Variants in DNAJC10 observed in about 807,000 individuals in gnomAD.
DNAJC10 encodes the protein endoplasmic reticulum disulfide reductase DNAJC10.
In DNAJC10, 101 loss-of-function variants were observed where a neutral mutation model predicts 115.0. The ratio of observed to expected loss-of-function variants is 0.88; its 90% confidence interval spans 0.75 to 1.04. The LOEUF (loss-of-function observed/expected upper bound fraction) is 1.04. Among genes scored for constraint, DNAJC10 ranks in the 50% least tolerant of loss-of-function variants. The probability of loss-of-function intolerance (pLI) is 0.00; values close to 1 mark genes in which losing one functional copy is unlikely to be tolerated. For synonymous variants in DNAJC10, 307 were observed against 301.5 expected, an observed-to-expected ratio of 1.02 and a Z score of -0.19; for missense variants, 981 against 928.8, an observed-to-expected ratio of 1.06 and a Z score of -0.73.
chr2:182,759,403 A>T (rs778735427), intron 21 of DNAJC10, 96 bp downstream of exon 21: 179 of 1,191,006 alleles, frequency 1.5e-4, no homozygotes, highest in Non-Finnish European at 2.0e-4. Context: ...TTTTTTTCTT[A>T]AATGTTTCCT....
At chr2:182,735,920 T>C (rs759826452) in intron 10 of DNAJC10, among the ~76,000 whole-genome samples, 2 of 152,122 alleles carry the variant, frequency 1.3e-5, no homozygotes, top group African/African-American at 2.4e-5. Context: ...TTCTTTAACC[T>C]GAAAGACTAT....
chr2:182,754,482 C>T lies in DNAJC10; in HGVS notation c.1552-521C>T, dbSNP rs1437379365. 3.3e-5 allele frequency among the ~76,000 whole-genome samples: 5 copies of T among 152,104 alleles called. No individual in the cohort carries two copies. The East Asian group carries it at 9.6e-4, about 29-fold the overall frequency. Reference sequence around the variant, plus strand: ...AAGCATTTCCTACTATAAAGGCTATCTTGAAGAAGAATAAAAAGGGATTAC... The same window carrying T: ...AAGCATTTCCTACTATAAAGGCTATTTTGAAGAAGAATAAAAAGGGATTAC... On this transcript the variant is annotated intron_variant, in intron 16 of 23. Coordinates refer to ENST00000264065, the MANE Select transcript of DNAJC10 (RefSeq NM_018981.4).
In DNAJC10 at chr2:182,788,957, G is replaced by C. The variant is rs954337377; in HGVS notation, c.*11825G>C. ...AAAATTTATTAATCATTTTAAAGTA[G>C]CATACAGTTCAGTAGTGTTAAGTAA... is the stretch of plus-strand genomic sequence containing the variant. On this transcript the variant is annotated 3_prime_UTR_variant, in exon 24 of 24. Transcript: ENST00000264065. 3 of 384,002 alleles carry C rather than the reference G, an allele frequency of 7.8e-6. No homozygotes were observed. The highest frequency in any genetic ancestry group is 6.4e-5 in the African/African-American group (3 of 47,182). 23.8% of individuals were successfully genotyped at this position (384,002 alleles called of 1,614,324 possible). A position where few individuals can be genotyped will look rare whatever the true frequency, so the allele number is the denominator to read the frequency against.
intron 14 of DNAJC10, among the ~76,000 whole-genome samples, chr2:182,748,338 C>T (rs1047762009): frequency 2.6e-5 from 4 of 152,104 alleles, no homozygotes; most frequent in Non-Finnish European, 2.9e-5. Flanking sequence ...TGGTAGAATT[C>T]GGCTGTGAAT....
At position 182,734,303 on chromosome 2, in the gene DNAJC10, A is replaced by C; in HGVS notation, c.849+1761A>C. 1.3e-5 allele frequency among the ~76,000 whole-genome samples: 2 copies of C among 151,502 alleles called. 1 individual carries two copies. Among genetic ancestry groups the C allele is most frequent in the East Asian group, 3.8e-4 (2 of 5,200 alleles). On this transcript the variant is annotated intron_variant, in intron 10 of 23. Coordinates refer to ENST00000264065, the MANE Select transcript of DNAJC10 (RefSeq NM_018981.4). ...ATATATATATAGTATTTTGATTATCAGTTTAAAATATTTTTTAATCTTGAT... is the reference window on the plus strand; with the variant it reads ...ATATATATATAGTATTTTGATTATCCGTTTAAAATATTTTTTAATCTTGAT...
At chr2:182,774,058 G>T (rs947612383) in intron 22 of DNAJC10, among the ~76,000 whole-genome samples, 1 of 152,166 alleles carries the variant, frequency 6.6e-6, no homozygotes, top group Non-Finnish European at 1.5e-5. Flanking sequence ...ATTCCTTTCT[G>T]TTTGTTAGTT....
intron 8 of DNAJC10, 46 bp from the exon 9 acceptor site, chr2:182,730,984 G>A (rs762926967): frequency 1.5e-5 from 19 of 1,285,902 alleles, no homozygotes; most frequent in Non-Finnish European, 2.0e-5. Flanking sequence ...CATTAGTAAA[G>A]GAGTAATAGG....
Position 182,783,997 on chromosome 2 carries a change from A to C in DNAJC10, c.*6865A>C, listed in dbSNP as rs1036755887. The C allele has an allele frequency of 1.3e-5, 2 of 152,216 alleles. No homozygotes were observed. The highest frequency in any genetic ancestry group is 4.8e-5 in the African/African-American group (2 of 41,452). 9.4% of individuals were successfully genotyped at this position (152,216 alleles called of 1,614,324 possible). A position where few individuals can be genotyped will look rare whatever the true frequency, so the allele number is the denominator to read the frequency against. On this transcript the variant is annotated 3_prime_UTR_variant, in exon 24 of 24. Transcript: ENST00000264065. ...GTAATAAATTCAAGATGCAAAAAGA[A>C]AACCTATTTCACTACCGAAATTAAA...
At chr2:182,741,189 A>G in intron 12 of DNAJC10, 54 bp from the exon 13 acceptor site, 1 of 1,198,790 alleles carries the variant, frequency 8.3e-7, no homozygotes, top group Non-Finnish European at 1.2e-6. Context: ...AATGAAGATT[A>G]GAACCCTTAG....
intron 19 of DNAJC10, among the ~76,000 whole-genome samples, chr2:182,758,537 A>G (rs80048276): frequency 0.025 from 3,834 of 152,264 alleles, 163 homozygotes; most frequent in African/African-American, 0.089. Context: ...TTGAATAAAG[A>G]TTCAGAAACT....
chr2:182,791,824 T>TACTAAA lies in DNAJC10; in HGVS notation c.*14692_*14693insACTAAA, dbSNP rs1445019802. On this transcript the variant is annotated 3_prime_UTR_variant, in exon 24 of 24. Transcript: ENST00000264065. ...AGATTTGCAGTTATCGTTTAATTAATTGCAATATGGAAATAGATACTAAAA... is the reference window on the plus strand; with the variant it reads ...AGATTTGCAGTTATCGTTTAATTAATACTAAATGCAATATGGAAATAGATACTAAAA... The TACTAAA allele has an allele frequency of 1.3e-5, 2 of 152,184 alleles. No individual in the cohort carries two copies. The highest frequency in any genetic ancestry group is 4.8e-5 in the African/African-American group (2 of 41,456). 9.4% of individuals were successfully genotyped at this position (152,184 alleles called of 1,614,324 possible). A position where few individuals can be genotyped will look rare whatever the true frequency, so the allele number is the denominator to read the frequency against.
rs1418298248 is a variant in DNAJC10, at chr2:182,789,780, A to G, written c.*12648A>G. On this transcript the variant is annotated 3_prime_UTR_variant, in exon 24 of 24. Coordinates refer to ENST00000264065, the MANE Select transcript of DNAJC10 (RefSeq NM_018981.4). ...TTTCATAGCAGCTGCACCATTTTACATTCCCACCAATAGTGCACAAGAGTT... is the reference window on the plus strand; with the variant it reads ...TTTCATAGCAGCTGCACCATTTTACGTTCCCACCAATAGTGCACAAGAGTT... The G allele has an allele frequency of 6.6e-6, 1 of 152,126 alleles. No individual in the cohort carries two copies. Among genetic ancestry groups the G allele is most frequent in the Non-Finnish European group, 1.5e-5 (1 of 68,036 alleles). 9.4% of individuals were successfully genotyped at this position (152,126 alleles called of 1,614,324 possible). A position where few individuals can be genotyped will look rare whatever the true frequency, so the allele number is the denominator to read the frequency against.
In DNAJC10 at chr2:182,775,420, G is replaced by T; in HGVS notation, c.2370G>T (p.Lys790Asn). 6.2e-7 allele frequency: 1 copy of T among 1,602,072 alleles called. No homozygotes were observed. The highest frequency in any genetic ancestry group is 1.3e-5 in the African/African-American group (1 of 74,680). Residue 790 changes from lysine (K) to asparagine (N), a missense_variant and splice_region_variant, in exon 23 of 24, where the codon AAG becomes AAT. By Grantham distance (94) the Lys-to-Asn change is moderately conservative. Transcript: ENST00000264065. ...ETLRNQGKRN[K>N]DEL is the part of the protein sequence containing the mutation. ...TCCGAAATCAAGGCAAGAGGAATAA[G>T]GTATGGACTAAGCCTAGAGTTGACT...
chr2:182,759,149 A>T lies in DNAJC10; in HGVS notation c.1998-11A>T, dbSNP rs201874326. 7 of 1,566,224 alleles carry T rather than the reference A, an allele frequency of 4.5e-6. No individual in the cohort carries two copies. The highest frequency in any genetic ancestry group is 5.2e-6 in the Non-Finnish European group (6 of 1,160,892). ...TATATAATGAAAAATGATTTTGATC[A>T]TTTGCCACAGATTTTTACCTCAAGT... On this transcript the variant is annotated splice_polypyrimidine_tract_variant and intron_variant, in intron 20 of 23. Transcript: ENST00000264065.
chr2:182,776,928 G>T (rs1352171971), intron 23 of DNAJC10, among the ~76,000 whole-genome samples, 193 bp from the exon 24 acceptor site: 1 of 152,088 alleles, frequency 6.6e-6, no homozygotes, highest in East Asian at 1.9e-4. Context: ...CTGTGAGCAG[G>T]TAAGAACTAG....
At chr2:182,729,429 G>A (rs1269212586) in intron 7 of DNAJC10, among the ~76,000 whole-genome samples, 7 of 152,244 alleles carry the variant, frequency 4.6e-5, no homozygotes, top group African/African-American at 1.2e-4. Flanking sequence ...GATTACAGGC[G>A]TGAGCCACAG....
chr2:182,726,505 A>C (rs1452727862), intron 5 of DNAJC10, among the ~76,000 whole-genome samples: 2 of 152,162 alleles, frequency 1.3e-5, no homozygotes, highest in Non-Finnish European at 2.9e-5. Context: ...TTTTGAAAGA[A>C]GTTCTACTGT....
At chr2:182,761,541 C>T (rs1325899874) in intron 21 of DNAJC10, among the ~76,000 whole-genome samples, 3 of 151,858 alleles carry the variant, frequency 2.0e-5, no homozygotes, top group Non-Finnish European at 1.5e-5. Flanking sequence ...AGGATTAGGG[C>T]ATTGGTGATA....
Position 182,782,162 on chromosome 2 carries a change from T to C in DNAJC10, c.*5030T>C, listed in dbSNP as rs1407557316. The C allele has an allele frequency of 2.0e-5, 3 of 152,192 alleles. No individual in the cohort carries two copies. Among genetic ancestry groups the C allele is most frequent in the African/African-American group, 2.4e-5 (1 of 41,456 alleles). The allele number at this position is 152,192 out of a possible 1,614,324, so 9.4% of individuals were successfully genotyped here. On this transcript the variant is annotated 3_prime_UTR_variant, in exon 24 of 24. Coordinates refer to ENST00000264065, the MANE Select transcript of DNAJC10 (RefSeq NM_018981.4). The stretch of plus-strand genomic sequence containing the variant: ...GGGGTCCCAGTTTCAGTTTTCTACA[T>C]GTGGCTAGCCTGTTTTCCCAACATC...
Sources: gnomAD v4.1 joint callset for allele counts (sites outside exome capture counted in the v4.1 genomes callset) on GRCh38, gnomAD v4.1.1 for gene constraint, MANE v1.5 for transcripts, NCBI Gene and HGNC (gene_info 2026-07-23, HGNC 2026-07-21) for gene names.